SCUBE3: variants seen among roughly 807,000 people sequenced by gnomAD.
SCUBE3 encodes the protein signal peptide, CUB and EGF-like domain-containing protein 3.
SCUBE3 carries 33 observed loss-of-function variants against 116.8 expected under a neutral mutation model. That is an observed-to-expected ratio of 0.28 (90% CI 0.21 to 0.38). The LOEUF is 0.38. SCUBE3 is among the 10% of genes least tolerant of loss of function. The pLI is 1.00. For synonymous variants in SCUBE3, 418 were observed against 496.9 expected (o/e 0.84, Z 2.11); for missense variants, 1,007 against 1,324.8 (o/e 0.76, Z 3.72).
At chr6:35,237,493 AG>A (rs1254523452) in intron 6 of SCUBE3, among the ~76,000 whole-genome samples, 3 of 152,204 alleles carry the variant, frequency 2.0e-5, no homozygotes, top group Admixed American at 1.3e-4. Context: ...CCAAAGACAT[AG>A]TGGAAAGAGG....
Position 35,229,355 on chromosome 6 carries a change from A to G in SCUBE3, c.334+616A>G, listed in dbSNP as rs181499616. Among the ~76,000 whole-genome samples, 20 of 152,334 alleles carry G rather than the reference A, an allele frequency of 1.3e-4. No individual in the cohort carries two copies. The Middle Eastern group carries it at 0.014, about 104-fold the overall frequency. ...AGCCTAGGAAGTCGAGGCTGCAGTT[A>G]GCTGTGATTGTGTCACTGCGCTCCA... is the stretch of plus-strand genomic sequence containing the variant. On this transcript the variant is annotated intron_variant, in intron 3 of 21. Coordinates refer to ENST00000274938, the MANE Select transcript of SCUBE3 (RefSeq NM_152753.4).
In SCUBE3 at chr6:35,240,996, T is replaced by C; in HGVS notation, c.1070-145T>C. 2 of 745,946 alleles carry C rather than the reference T, an allele frequency of 2.7e-6. No homozygotes were observed. The highest frequency in any genetic ancestry group is 1.8e-5 in the South Asian group (1 of 54,838). 46.2% of individuals were successfully genotyped at this position (745,946 alleles called of 1,614,324 possible). On this transcript the variant is annotated intron_variant, in intron 9 of 21. Coordinates refer to ENST00000274938, the MANE Select transcript of SCUBE3 (RefSeq NM_152753.4). This position sits in a 1 kb window ranked among gnomAD's most constrained non-coding sequence, Gnocchi z 4.6. ...TATTTATGTGCCTATAGGCACACTGTTGTACAGTAGATCTCTCGAACTTAT... is the reference window on the plus strand; with the variant it reads ...TATTTATGTGCCTATAGGCACACTGCTGTACAGTAGATCTCTCGAACTTAT...
At position 35,214,438 on chromosome 6, in the gene SCUBE3, C is replaced by T. The variant is rs1046080153; in HGVS notation, c.20C>T (p.Pro7Leu). 1.5e-5 allele frequency: 22 copies of T among 1,483,800 alleles called. No individual in the cohort carries two copies. The highest frequency in any genetic ancestry group is 2.0e-5 in the Non-Finnish European group (22 of 1,120,044). 91.9% of individuals were successfully genotyped at this position (1,483,800 alleles called of 1,614,324 possible). Residue 7 changes from proline (P) to leucine (L), a missense_variant, in exon 1 of 22, where the codon CCC (proline) becomes CTC (leucine). This residue lies in a region of SCUBE3 where 94 missense variants were observed against 92.0 expected (regional missense o/e 1.02). Coordinates refer to ENST00000274938, the MANE Select transcript of SCUBE3 (RefSeq NM_152753.4). The surrounding 1 kb of genome is among the most constrained non-coding windows in gnomAD (Gnocchi z 6.3). Reference protein sequence around the residue: MGSGRVPGLCLLVLLVH... With the variant: MGSGRVLGLCLLVLLVH... ...CCAGCCATGGGCTCGGGGCGCGTAC[C>T]CGGGCTCTGCCTGCTTGTCCTGCTG...
At chr6:35,234,879 A>C (rs1783694994) in intron 6 of SCUBE3, among the ~76,000 whole-genome samples, 1 of 152,172 alleles carries the variant, frequency 6.6e-6, no homozygotes, top group Non-Finnish European at 1.5e-5. Flanking sequence ...CAAATGAGGC[A>C]GAAAAGGCCA....
rs1329042910 is a variant in SCUBE3 at position 35,214,219 on chromosome 6, G to T, written c.-200G>T. 2.0e-5 allele frequency among the ~76,000 whole-genome samples: 3 copies of T among 152,112 alleles called. No homozygotes were observed. Among genetic ancestry groups the T allele is most frequent in the African/African-American group, 7.2e-5 (3 of 41,450 alleles). ...CACTCTCCGCCTCGCTCTCCCCGAC[G>T]TCCGGCCAGGAGGAGCCGGTAGCAT... is the stretch of plus-strand genomic sequence containing the variant. On this transcript the variant is annotated 5_prime_UTR_variant, in exon 1 of 22. Transcript: ENST00000274938. The surrounding 1 kb of genome is among the most constrained non-coding windows in gnomAD (Gnocchi z 6.3).
chr6:35,241,483 A>G lies in SCUBE3; in HGVS notation c.1196-60A>G. On this transcript the variant is annotated intron_variant, in intron 10 of 21. Transcript: ENST00000274938. The surrounding 1 kb of genome is among the most constrained non-coding windows in gnomAD (Gnocchi z 4.1). Reference sequence around the variant, plus strand: ...GTTATGCAAGTAGCTGATTCCTCCAAATTACCCAACTGAGGGAAAGGAATG... The same window carrying G: ...GTTATGCAAGTAGCTGATTCCTCCAGATTACCCAACTGAGGGAAAGGAATG... 1 of 1,300,958 alleles carries G rather than the reference A, an allele frequency of 7.7e-7. No homozygotes were observed. Among genetic ancestry groups the G allele is most frequent in the Non-Finnish European group, 1.1e-6 (1 of 895,038 alleles). 80.6% of individuals were successfully genotyped at this position (1,300,958 alleles called of 1,614,324 possible). A position where few individuals can be genotyped will look rare whatever the true frequency, so the allele number is the denominator to read the frequency against.
At chr6:35,224,040 C>T (rs1394550010) in intron 1 of SCUBE3, 1 of 152,178 alleles carries the variant, frequency 6.6e-6, no homozygotes, top group African/African-American at 2.4e-5. Context: ...AGGAACTCAC[C>T]AGGAACGGGG....
intron 1 of SCUBE3, chr6:35,218,194 T>A: frequency 1.0e-6 from 1 of 977,010 alleles, no homozygotes; most frequent in South Asian, 4.7e-5. Context: ...GAGCCGGCCC[T>A]GGGTGTGAGT....
rs760609923 is a variant in SCUBE3 at position 35,242,698 on chromosome 6, A to G, written c.1611A>G (p.Arg537=). 1.1e-5 allele frequency: 18 copies of G among 1,614,092 alleles called. No homozygotes were observed. In the Admixed American group the frequency reaches 3.0e-4, roughly 27 times the overall value. Residue 537 remains arginine, a synonymous_variant, in exon 14 of 22, where the codon CGA becomes CGG. Transcript: ENST00000274938. ...KCDSSRKGKG[R]RARTPPGKEV... is the part of the protein sequence containing the mutation. ...ACTCCTCTCGGAAGGGCAAGGGCCG[A>G]CGGGCCCGGACCCCTCCAGGCAAAG...
rs41270064 is a variant in SCUBE3, at chr6:35,251,898, C to G, written c.*3193C>G. ...ACATTCTAGGTCTTTACAGGTCAGA[C>G]AGAAGAGAGGTTTTTACCATTGGAG... On this transcript the variant is annotated 3_prime_UTR_variant, in exon 22 of 22. Transcript: ENST00000274938. The G allele has an allele frequency of 1.3e-5, 2 of 152,306 alleles. No individual in the cohort carries two copies. The highest frequency in any genetic ancestry group is 2.4e-5 in the African/African-American group (1 of 41,550). The allele number at this position is 152,306 out of a possible 1,614,324, so 9.4% of individuals were successfully genotyped here.
In SCUBE3 at chr6:35,241,896, C is replaced by T; in HGVS notation, c.1403C>T (p.Ser468Phe). Reference protein sequence around the residue: ...RAGHNGNSTNSNHCHEAAVLS... With the variant: ...RAGHNGNSTNFNHCHEAAVLS... ...GGCCACAATGGGAACAGCACCAACT[C>T]CAACCACTGCCATGGTAAGCACCAG... Residue 468 changes from serine to phenylalanine, a missense_variant, in exon 12 of 22, where the codon TCC (serine) becomes TTC (phenylalanine). By Grantham distance (155) the Ser-to-Phe change is radical. Transcript: ENST00000274938. The surrounding 1 kb of genome is among the most constrained non-coding windows in gnomAD (Gnocchi z 4.1). 1 of 1,607,310 alleles carries T rather than the reference C, an allele frequency of 6.2e-7. No individual in the cohort carries two copies. Among genetic ancestry groups the T allele is most frequent in the Non-Finnish European group, 8.5e-7 (1 of 1,177,774 alleles).
chr6:35,242,077 T>C, intron 12 of SCUBE3, 127 bp from the exon 13 acceptor site: 6 of 860,274 alleles, frequency 7.0e-6, no homozygotes, highest in Non-Finnish European at 1.2e-5. Flanking sequence ...TCTGATCCCC[T>C]TGACTTTCAT....
At chr6:35,223,309 G>A (rs892742103) in intron 1 of SCUBE3, 1 of 152,226 alleles carries the variant, frequency 6.6e-6, no homozygotes, top group African/African-American at 2.4e-5. Flanking sequence ...CCCATGGGGA[G>A]GTACTATGAT....
rs774692845 is a variant in SCUBE3, at chr6:35,243,082, G to T, written c.1755G>T (p.Lys585Asn). The change falls in exon 15 of 22, where the codon AAG (lysine) becomes AAT (asparagine). Residue 585 changes from lysine to asparagine, a missense_variant. Lys to Asn is a moderately conservative substitution (Grantham distance 94). Around this residue, in one of 5 missense-constraint regions of SCUBE3, gnomAD observed 544 missense variants for 638.9 expected, o/e 0.85. Transcript: ENST00000274938. This position sits in a 1 kb window ranked among gnomAD's most constrained non-coding sequence, Gnocchi z 6.6. ...AACGGCGGCTGAAAGGATCCCTGAAGATGCTCAGAAAGTCCATCAACCAGG... is the reference window on the plus strand; with the variant it reads ...AACGGCGGCTGAAAGGATCCCTGAATATGCTCAGAAAGTCCATCAACCAGG... ...RMERRLKGSL[K>N]MLRKSINQDR... The T allele has an allele frequency of 6.2e-7, 1 of 1,614,202 alleles. No homozygotes were observed. Among genetic ancestry groups the T allele is most frequent in the South Asian group, 1.1e-5 (1 of 91,090 alleles).
chr6:35,241,748 C>A lies in SCUBE3; in HGVS notation c.1313-58C>A. 6.6e-7 allele frequency: 1 copy of A among 1,524,522 alleles called. No homozygotes were observed. Among genetic ancestry groups the A allele is most frequent in the Non-Finnish European group, 9.1e-7 (1 of 1,098,198 alleles). The allele number at this position is 1,524,522 out of a possible 1,614,324, so 94.4% of individuals were successfully genotyped here. Reference sequence around the variant, plus strand: ...CAGCTCCTTCATTCCCCCTGGATTCCTCCAGCCAGCGGGGGTTGGGAAGGC... The same window carrying A: ...CAGCTCCTTCATTCCCCCTGGATTCATCCAGCCAGCGGGGGTTGGGAAGGC... On this transcript the variant is annotated intron_variant, in intron 11 of 21. Coordinates refer to ENST00000274938, the MANE Select transcript of SCUBE3 (RefSeq NM_152753.4). The surrounding 1 kb of genome is among the most constrained non-coding windows in gnomAD (Gnocchi z 4.1).
intron 1 of SCUBE3, among the ~76,000 whole-genome samples, chr6:35,226,480 CTTTT>C (rs764779695): frequency 5.0e-4 from 43 of 85,234 alleles, no homozygotes; most frequent in African/African-American, 1.8e-3. Flanking sequence ...TTTCTATGTC[CTTTT>C]TTTTTTTTTT....
In SCUBE3 at chr6:35,229,694, G is replaced by A. The variant is rs75378151; in HGVS notation, c.334+955G>A. On this transcript the variant is annotated intron_variant, in intron 3 of 21. Transcript: ENST00000274938. ...GATCAGAGATAAGAGAATCTCTAAG[G>A]AACTGAACTCAACTTTGGTCTCTGT... Among the ~76,000 whole-genome samples the A allele has an allele frequency of 1.4e-3, 218 of 152,198 alleles. 2 individuals carry two copies. Among genetic ancestry groups the A allele is most frequent in the Middle Eastern group, 0.014 (4 of 294 alleles).
chr6:35,217,283 A>G (rs1173535406), intron 1 of SCUBE3, among the ~76,000 whole-genome samples: 2 of 115,162 alleles, frequency 1.7e-5, no homozygotes, highest in Non-Finnish European at 3.5e-5. Context: ...GCAGTGGTTA[A>G]AAAGACCTAA....
At chr6:35,242,482 C>T (rs1784116487) in intron 13 of SCUBE3, 140 bp from the exon 14 acceptor site, 1 of 922,404 alleles carries the variant, frequency 1.1e-6, no homozygotes, top group South Asian at 1.5e-5. Context: ...CAGAATATTC[C>T]CCTCCACCAA....
Sources: allele counts gnomAD v4.1 joint callset (sites outside exome capture counted in the v4.1 genomes callset), GRCh38; gene constraint gnomAD v4.1.1; regional missense constraint gnomAD v4.1.1; non-coding constraint Gnocchi (gnomAD v3.1); transcripts MANE v1.5; gene names NCBI Gene and HGNC (gene_info 2026-07-23, HGNC 2026-07-21).